NADK: variants seen among roughly 807,000 people sequenced by gnomAD.
NADK encodes poly(P)/ATP NAD kinase.
NADK carries 22 observed loss-of-function variants against 49.8 expected under a neutral mutation model. The ratio of observed to expected loss-of-function variants is 0.44; its 90% CI spans 0.32 to 0.63. The LOEUF (loss-of-function observed/expected upper bound fraction) is 0.63. Ranked by LOEUF, NADK falls within the 30% of genes least tolerant of loss-of-function variation. NADK has a pLI of 0.06. For synonymous variants in NADK, 268 were observed against 253.7 expected, an observed-to-expected ratio of 1.06 and a Z score of -0.54; for missense variants, 438 against 609.4, an observed-to-expected ratio of 0.72 and a Z score of 2.96.
Position 1,754,239 on chromosome 1 carries a change from GCC to G in NADK, c.944-33_944-32del, listed in dbSNP as rs1557832533. 6.2e-7 allele frequency: 1 copy of G among 1,612,954 alleles called. No individual in the cohort carries two copies. The highest frequency in any genetic ancestry group is 8.5e-7 in the Non-Finnish European group (1 of 1,179,876). On this transcript the variant is annotated intron_variant, in intron 9 of 11. Transcript: ENST00000341426. The surrounding 1 kb of genome is among the most constrained non-coding windows in gnomAD (Gnocchi z 4.3). ...AGGGACAGGCGCAGGCGTCACTCCC[GCC>G]CGAGGGACGCTCAGGGCCCCAGGAC... is the stretch of plus-strand genomic sequence containing the variant.
intron 2 of NADK, among the ~76,000 whole-genome samples, chr1:1,762,260 A>G (rs1453413168): frequency 6.6e-6 from 1 of 152,218 alleles, no homozygotes; most frequent in South Asian, 2.1e-4. Flanking sequence ...CGCCGCTCAG[A>G]TCATGACCCA....
At chr1:1,761,772 T>C (rs1645732393) in intron 3 of NADK, 180 bp downstream of exon 3, 1 of 573,084 alleles carries the variant, frequency 1.7e-6, no homozygotes, top group Non-Finnish European at 3.1e-6. Flanking sequence ...TGGCTTTTTG[T>C]TTAAATGACC....
intron 1 of NADK, among the ~76,000 whole-genome samples, chr1:1,768,291 G>C (rs1240469292): frequency 6.6e-6 from 1 of 151,924 alleles, no homozygotes; most frequent in African/African-American, 2.4e-5. Flanking sequence ...TAATCCCAGG[G>C]CTTTGGGAGG....
chr1:1,779,144 C>A, upstream of NADK: 1 of 152,484 alleles, frequency 6.6e-6, no homozygotes. Flanking sequence ...GAGGTCTACG[C>A]TTGGGATCCC....
intron 3 of NADK, among the ~76,000 whole-genome samples, chr1:1,758,860 C>T (rs977498764): frequency 1.3e-5 from 2 of 152,172 alleles, no homozygotes; most frequent in East Asian, 1.9e-4. Context: ...CCTCCAGCCT[C>T]GCCCCAGCAC....
At chr1:1,770,935 C>T (rs1215058984) in intron 1 of NADK, among the ~76,000 whole-genome samples, 1 of 151,042 alleles carries the variant, frequency 6.6e-6, no homozygotes, top group African/African-American at 2.4e-5. Context: ...GTAATCCCAG[C>T]TATTTGGGAG....
intron 1 of NADK, among the ~76,000 whole-genome samples, chr1:1,777,428 C>G (rs916871656): frequency 6.6e-6 from 1 of 152,182 alleles, no homozygotes; most frequent in African/African-American, 2.4e-5. Flanking sequence ...ATGTCAGTTT[C>G]AGGCCAACTA....
chr1:1,754,471 G>C lies in NADK; in HGVS notation c.843+73C>G. On this transcript the variant is annotated intron_variant, in intron 8 of 11. Coordinates refer to ENST00000341426, the MANE Select transcript of NADK (RefSeq NM_023018.5). This position sits in a 1 kb window ranked among gnomAD's most constrained non-coding sequence, Gnocchi z 4.3. Reference sequence around the variant, plus strand: ...CCGTCTCACCCAGCCGGGCTCTCCGGAAGGTCCTCATCCCTGGGACCGAAG... The same window carrying C: ...CCGTCTCACCCAGCCGGGCTCTCCGCAAGGTCCTCATCCCTGGGACCGAAG... 6.2e-7 allele frequency: 1 copy of C among 1,603,356 alleles called. No individual in the cohort carries two copies.
In NADK at chr1:1,754,529, G is replaced by A. The variant is rs746052664; in HGVS notation, c.843+15C>T. 22 of 1,604,000 alleles carry A rather than the reference G, an allele frequency of 1.4e-5. No homozygotes were observed. Among genetic ancestry groups the A allele is most frequent in the Middle Eastern group, 3.3e-4 (2 of 6,038 alleles). On this transcript the variant is annotated intron_variant, in intron 8 of 11. Transcript: ENST00000341426. The surrounding 1 kb of genome is among the most constrained non-coding windows in gnomAD (Gnocchi z 4.3). ...ACCCTGGGCCCCTCACCGAGGCCGA[G>A]GCGCCTCCACTCACCTGGTACTGCA...
chr1:1,771,974 T>TA, intron 1 of NADK, among the ~76,000 whole-genome samples: 1 of 22,012 alleles, frequency 4.5e-5, no homozygotes, highest in Admixed American at 1.0e-3. Context: ...CACCTGGAAA[T>TA]TTTTTTTTTT....
At position 1,762,024 on chromosome 1, in the gene NADK, G is replaced by A. The variant is rs771216147; in HGVS notation, c.191C>T (p.Ser64Phe). Residue 64 changes from serine to phenylalanine, a missense_variant, in exon 3 of 12, where the codon TCT becomes TTT. By Grantham distance (155) the Ser-to-Phe change is radical. Coordinates refer to ENST00000341426, the MANE Select transcript of NADK (RefSeq NM_023018.5). ...GSTKEFRRTR[S>F]LHGPCPVTTF... ...GGTCACCGGGCATGGCCCATGAAGA[G>A]AGCGTGTCCTCCTGTGGGGAGAGGG... 4 of 1,613,988 alleles carry A rather than the reference G, an allele frequency of 2.5e-6. No individual in the cohort carries two copies. Among genetic ancestry groups the A allele is most frequent in the South Asian group, 1.1e-5 (1 of 91,080 alleles).
At chr1:1,773,368 T>G (rs1310661328) in intron 1 of NADK, among the ~76,000 whole-genome samples, 1 of 151,148 alleles carries the variant, frequency 6.6e-6, no homozygotes, top group Non-Finnish European at 1.5e-5. Context: ...CTCAAACTCC[T>G]GACCTCAGGT....
chr1:1,772,087 G>T (rs997590197), intron 1 of NADK, among the ~76,000 whole-genome samples: 1 of 152,028 alleles, frequency 6.6e-6, no homozygotes, highest in Non-Finnish European at 1.5e-5. Context: ...GGGATTACAG[G>T]CGTGAGCCAC....
intron 6 of NADK, 101 bp downstream of exon 6, chr1:1,756,157 T>G: frequency 1.7e-6 from 2 of 1,145,728 alleles, no homozygotes; most frequent in Non-Finnish European, 2.6e-6. Flanking sequence ...ACTGCTCTCG[T>G]ATAAAGGGGT....
chr1:1,774,242 T>C (rs1476282881), intron 1 of NADK, among the ~76,000 whole-genome samples: 1 of 151,910 alleles, frequency 6.6e-6, no homozygotes, highest in Non-Finnish European at 1.5e-5. Flanking sequence ...TATTTTTTGT[T>C]TTTTTGAGAT....
chr1:1,754,676 C>G lies in NADK; in HGVS notation c.711G>C (p.Arg237=), dbSNP rs1490588096. Residue 237 remains arginine (R), a synonymous_variant, in exon 8 of 12, where the codon CGG becomes CGC. Coordinates refer to ENST00000341426, the MANE Select transcript of NADK (RefSeq NM_023018.5). This position sits in a 1 kb window ranked among gnomAD's most constrained non-coding sequence, Gnocchi z 4.3. ...TCACCACCCTGACCTTCAGCCGACT[C>G]CGGAGAACAACAGCTGCGTTCCCTG... ...VIEGNAAVVL[R]SRLKVRVVKE... 1.2e-6 allele frequency: 2 copies of G among 1,613,596 alleles called. No individual in the cohort carries two copies. Among genetic ancestry groups the G allele is most frequent in the Admixed American group, 3.3e-5 (2 of 59,962 alleles).
At chr1:1,761,735 T>G in intron 3 of NADK, 1 of 480,488 alleles carries the variant, frequency 2.1e-6, no homozygotes, top group South Asian at 2.7e-5. Flanking sequence ...ATGCCTGCAC[T>G]CAGGGGGTTC....
intron 11 of NADK, 67 bp from the exon 12 acceptor site, chr1:1,753,127 T>TCCTC: frequency 2.0e-6 from 3 of 1,526,078 alleles, no homozygotes; most frequent in Admixed American, 2.0e-5. Context: ...CAAGAACCCT[T>TCCTC]CCTCCCTCCC....
intron 6 of NADK, 80 bp downstream of exon 6, chr1:1,756,178 G>C (rs1645513926): frequency 1.5e-6 from 2 of 1,325,150 alleles, no homozygotes; most frequent in South Asian, 2.3e-5. Context: ...GAAAAGCAAT[G>C]GAAGCCATGC....
Sources: allele counts gnomAD v4.1 joint callset (sites outside exome capture counted in the v4.1 genomes callset), GRCh38; gene constraint gnomAD v4.1.1; non-coding constraint Gnocchi (gnomAD v3.1); transcripts MANE v1.5; gene names NCBI Gene and HGNC (gene_info 2026-07-23, HGNC 2026-07-21).